Variants in CRHBP observed in about 807,000 individuals in gnomAD.
The protein encoded by CRHBP is corticotropin-releasing hormone-binding protein.
A neutral mutation model predicts 34.9 loss-of-function variants in CRHBP; 19 were observed. That is an observed-to-expected ratio of 0.55 (90% confidence interval 0.38 to 0.80). The LOEUF (loss-of-function observed/expected upper bound fraction) is 0.80, where lower values mean the gene tolerates loss of function less well. Among genes scored for constraint, CRHBP ranks in the 30% least tolerant of loss-of-function variants. CRHBP has a pLI of 0.00. For missense variants in CRHBP, 328 were observed against 409.2 expected, an observed-to-expected ratio of 0.80 and a Z score of 1.71; for synonymous variants, 154 against 153.4, an observed-to-expected ratio of 1.00 and a Z score of -0.03.
chr5:76,959,718 G>A (rs1477555431), intron 5 of CRHBP, among the ~76,000 whole-genome samples: 1 of 152,184 alleles, frequency 6.6e-6, no homozygotes, highest in Non-Finnish European at 1.5e-5. Context: ...TAAATTCATG[G>A]ACTAGTGCCT....
downstream of CRHBP, among the ~76,000 whole-genome samples, chr5:76,973,474 C>G (rs1745977738): frequency 6.6e-6 from 1 of 152,178 alleles, no homozygotes; most frequent in Admixed American, 6.5e-5. Flanking sequence ...AGTTCACAAA[C>G]CCCTGAAGAG....
intron 2 of CRHBP, among the ~76,000 whole-genome samples, chr5:76,975,514 A>G (rs1383283879): frequency 2.0e-5 from 3 of 151,996 alleles, no homozygotes; most frequent in African/African-American, 7.3e-5. Flanking sequence ...TAAGAGTATT[A>G]GGTCCTGGCC....
chr5:76,968,598 C>A, intron 6 of CRHBP, 130 bp from the exon 7 acceptor site: 2 of 743,420 alleles, frequency 2.7e-6, no homozygotes, highest in Non-Finnish European at 4.2e-6. Context: ...ATAGTAGATG[C>A]ATGGTTTGGG....
intron 6 of CRHBP, among the ~76,000 whole-genome samples, chr5:76,967,128 G>A (rs1444898884): frequency 1.3e-5 from 2 of 152,102 alleles, no homozygotes; most frequent in African/African-American, 4.8e-5. Context: ...TGTAATCCCA[G>A]CTACTGGAGA....
chr5:76,968,626 G>A (rs558859795), intron 6 of CRHBP, 102 bp from the exon 7 acceptor site: 8 of 1,199,614 alleles, frequency 6.7e-6, no homozygotes, highest in Admixed American at 5.1e-5. Context: ...GAGGAAGATA[G>A]GTCTCCTTGC....
At chr5:76,972,463 G>A (rs1471647118), downstream of CRHBP, among the ~76,000 whole-genome samples, 1 of 151,876 alleles carries the variant, frequency 6.6e-6, no homozygotes. Flanking sequence ...TCATGCCATT[G>A]CACTCCAGCC....
At chr5:76,977,249 A>C (rs1402217816) in intron 3 of CRHBP, among the ~76,000 whole-genome samples, 1 of 152,202 alleles carries the variant, frequency 6.6e-6, no homozygotes, top group African/African-American at 2.4e-5. Context: ...AATCATAGTA[A>C]AAGCTAATAT....
At chr5:76,961,624 GC>G (rs1745776148) in intron 5 of CRHBP, among the ~76,000 whole-genome samples, 1 of 152,244 alleles carries the variant, frequency 6.6e-6, no homozygotes, top group African/African-American at 2.4e-5. Context: ...TAGTAGGTAG[GC>G]CCTTTAAAAA....
chr5:76,970,798 T>G (rs1011142795), downstream of CRHBP, among the ~76,000 whole-genome samples: 1 of 152,186 alleles, frequency 6.6e-6, no homozygotes, highest in African/African-American at 2.4e-5. Context: ...AGGAAACTTC[T>G]TTTATTCCTA....
downstream of CRHBP, among the ~76,000 whole-genome samples, chr5:76,973,982 G>GTTATTA (rs112354774): frequency 5.8e-4 from 85 of 147,208 alleles, no homozygotes; most frequent in Admixed American, 1.0e-3. Flanking sequence ...TTTCTAAATC[G>GTTATTA]TTATTATTAT....
chr5:76,975,825 A>AAAAAAAC, intron 2 of CRHBP, among the ~76,000 whole-genome samples: 2 of 61,846 alleles, frequency 3.2e-5, no homozygotes, highest in African/African-American at 1.8e-4. Context: ...AAAAAAAAAA[A>AAAAAAAC]ATATATATAT....
rs757944609 is a variant in CRHBP, at chr5:76,968,796, G to A, written c.880G>A (p.Val294Met). The A allele has an allele frequency of 8.1e-6, 13 of 1,614,192 alleles. No homozygotes were observed. The South Asian group carries it at 1.3e-4, about 16-fold the overall frequency. The part of the protein sequence containing the change: ...MVSSGKHVNR[V>M]TFEYRQLEPY... ...CTCCAGTGGAAAACACGTAAATCGT[G>A]TGACTTTTGAGTATCGTCAGCTGGA... The change falls in exon 7 of 7, where the codon GTG (valine) becomes ATG (methionine). Residue 294 changes from valine (V) to methionine (M), a missense_variant. Val to Met is a conservative substitution (Grantham distance 21). Transcript: ENST00000274368.
intron 2 of CRHBP, among the ~76,000 whole-genome samples, chr5:76,976,113 C>G (rs1746032014): frequency 6.6e-6 from 1 of 151,408 alleles, no homozygotes; most frequent in South Asian, 2.1e-4. Context: ...GATGCTGGCC[C>G]CTACCCACCC....
At chr5:76,968,415 A>C (rs1479763511) in intron 6 of CRHBP, among the ~76,000 whole-genome samples, 1 of 152,104 alleles carries the variant, frequency 6.6e-6, no homozygotes, top group Admixed American at 6.6e-5. Flanking sequence ...GCCTGCCTTT[A>C]CTACTTAGGC....
At chr5:76,973,783 C>T (rs926782211), downstream of CRHBP, among the ~76,000 whole-genome samples, 1 of 150,822 alleles carries the variant, frequency 6.6e-6, no homozygotes, top group African/African-American at 2.5e-5. Flanking sequence ...CAGATTTCTC[C>T]TAATTTCAAA....
In CRHBP at chr5:76,968,737, A is replaced by C; in HGVS notation, c.821A>C (p.Lys274Thr). 5.0e-6 allele frequency: 8 copies of C among 1,611,764 alleles called. No homozygotes were observed. The highest frequency in any genetic ancestry group is 6.8e-6 in the Non-Finnish European group (8 of 1,178,568). ...CYPFHGPAQM[K>T]VGCDNTVVRM... The stretch of plus-strand genomic sequence containing the variant: ...TTTCCATCCATTATAGCCCAGATGA[A>C]AGTTGGCTGTGACAACACTGTGGTG... The change falls in exon 7 of 7, where the codon AAA becomes ACA. Residue 274 changes from lysine to threonine, a missense_variant. Lys to Thr is a moderately conservative substitution (Grantham distance 78, BLOSUM62 -1). Transcript: ENST00000274368.
intron 5 of CRHBP, among the ~76,000 whole-genome samples, chr5:76,960,926 G>A (rs1170758095): frequency 6.6e-6 from 1 of 151,668 alleles, no homozygotes; most frequent in African/African-American, 2.4e-5. Flanking sequence ...CACCACACCT[G>A]GCTAATTTTT....
intron 3 of CRHBP, among the ~76,000 whole-genome samples, chr5:76,980,402 G>T (rs573415176): frequency 7.9e-5 from 12 of 152,312 alleles, no homozygotes; most frequent in Admixed American, 7.2e-4. Flanking sequence ...CTCAGGGAGG[G>T]TTTCCACCAG....
chr5:76,963,611 A>G (rs1463183212), intron 6 of CRHBP, 151 bp downstream of exon 6: 22 of 623,766 alleles, frequency 3.5e-5, no homozygotes, highest in Non-Finnish European at 5.7e-5. Context: ...GAGGCTATAT[A>G]TAACATCAGT....
Sources: gnomAD v4.1 joint callset for allele counts (sites outside exome capture counted in the v4.1 genomes callset) on GRCh38, gnomAD v4.1.1 for gene constraint, MANE v1.5 for transcripts, NCBI Gene and HGNC (gene_info 2026-07-23, HGNC 2026-07-21) for gene names.